IL17RA: variants seen among roughly 807,000 people sequenced by gnomAD.
IL17RA encodes interleukin-17 receptor A.
In IL17RA, 34 loss-of-function variants were observed where a neutral mutation model predicts 50.4. The observed-to-expected ratio is 0.67, with a 90% confidence interval of 0.51 to 0.90. IL17RA has a LOEUF of 0.90. Ranked by LOEUF, IL17RA falls within the 40% of genes least tolerant of loss-of-function variation. The pLI, the probability that IL17RA is intolerant of heterozygous loss-of-function variation, is 0.00. For synonymous variants in IL17RA, 585 were observed against 510.4 expected (o/e 1.15, Z -1.97); for missense variants, 1,276 against 1,169.8 (o/e 1.09, Z -1.32).
At chr22:17,086,964 TG>T (rs1182602381) in intron 1 of IL17RA, among the ~76,000 whole-genome samples, 43 of 152,278 alleles carry the variant, frequency 2.8e-4, no homozygotes, top group African/African-American at 1.0e-3. Context: ...GTGAAGCAAC[TG>T]TAAGTCAGGA....
intron 7 of IL17RA, among the ~76,000 whole-genome samples, chr22:17,103,020 T>C (rs1241705420): frequency 6.6e-6 from 1 of 152,086 alleles, no homozygotes; most frequent in Non-Finnish European, 1.5e-5. Flanking sequence ...CACACGCCTG[T>C]AATCCCAGCA....
rs1454347192 is a variant in IL17RA at position 17,103,574 on chromosome 22, G to A, written c.843G>A (p.Val281=). 1.2e-6 allele frequency: 2 copies of A among 1,611,402 alleles called. No individual in the cohort carries two copies. The highest frequency in any genetic ancestry group is 2.7e-5 in the African/African-American group (2 of 74,918). The part of the protein sequence containing the change: ...RNLKGCCRHQ[V]QIQPFFSSCL... ...TTAAAGGGTGCTGTCGCCACCAAGTGCAGGTGGGTGAGTGTGGTGTGGACA... is the reference window on the plus strand; with the variant it reads ...TTAAAGGGTGCTGTCGCCACCAAGTACAGGTGGGTGAGTGTGGTGTGGACA... The change falls in exon 8 of 13, where the codon GTG becomes GTA. Residue 281 remains valine (V), a synonymous_variant. Coordinates refer to ENST00000319363, the MANE Select transcript of IL17RA (RefSeq NM_014339.7).
At position 17,107,736 on chromosome 22, in the gene IL17RA, G is replaced by A; in HGVS notation, c.1055G>A (p.Ser352Asn). The change falls in exon 12 of 13, where the codon AGT (serine) becomes AAT (asparagine). Residue 352 changes from serine (S) to asparagine (N), a missense_variant. By Grantham distance (46) the Ser-to-Asn change is conservative. Coordinates refer to ENST00000319363, the MANE Select transcript of IL17RA (RefSeq NM_014339.7). ...CMTWRLAGPG[S>N]EKYSDDTKYT... The stretch of plus-strand genomic sequence containing the variant: ...TTCTTTTCCTTTCCAGGGCCTGGAA[G>A]TGAAAAATACAGTGATGACACCAAA... 3 of 1,613,722 alleles carry A rather than the reference G, an allele frequency of 1.9e-6. No homozygotes were observed. Among genetic ancestry groups the A allele is most frequent in the Non-Finnish European group, 2.5e-6 (3 of 1,179,544 alleles).
At chr22:17,103,947 A>G (rs1601345814) in intron 8 of IL17RA, among the ~76,000 whole-genome samples, 1 of 14,264 alleles carries the variant, frequency 7.0e-5, no homozygotes. Flanking sequence ...GCACAGGTGG[A>G]GAGTGTGGTG....
In IL17RA at chr22:17,112,948, T is replaced by G. The variant is rs991294798; in HGVS notation, c.*3128T>G. 7.3e-5 allele frequency: 11 copies of G among 151,474 alleles called. No individual in the cohort carries two copies. Among genetic ancestry groups the G allele is most frequent in the African/African-American group, 2.4e-4 (10 of 41,216 alleles). The allele number at this position is 151,474 out of a possible 1,614,324, so 9.4% of individuals were successfully genotyped here. On this transcript the variant is annotated 3_prime_UTR_variant, in exon 13 of 13. Transcript: ENST00000319363. Reference sequence around the variant, plus strand: ...CACCAACAAGCTCCCAACTCCCGCGTAGAGTTTCATGACTTTTTCCTGCCT... The same window carrying G: ...CACCAACAAGCTCCCAACTCCCGCGGAGAGTTTCATGACTTTTTCCTGCCT...
chr22:17,088,111 G>A (rs2061334641), intron 1 of IL17RA, among the ~76,000 whole-genome samples: 1 of 152,130 alleles, frequency 6.6e-6, no homozygotes, highest in Non-Finnish European at 1.5e-5. Context: ...TGAGAGGCTG[G>A]GTTATTGGCC....
chr22:17,091,883 T>C (rs879649393), intron 1 of IL17RA, among the ~76,000 whole-genome samples: 10 of 152,164 alleles, frequency 6.6e-5, no homozygotes, highest in Non-Finnish European at 1.3e-4. Flanking sequence ...CTGTGAAATA[T>C]GTATTTAGTC....
intron 6 of IL17RA, 27 bp downstream of exon 6, chr22:17,102,070 T>C (rs1323890698): frequency 1.2e-6 from 2 of 1,614,158 alleles, no homozygotes; most frequent in East Asian, 4.5e-5. Flanking sequence ...GAGAGCTTTA[T>C]TTGGATGCAT....
At chr22:17,091,421 A>C (rs1210531227) in intron 1 of IL17RA, among the ~76,000 whole-genome samples, 1 of 152,206 alleles carries the variant, frequency 6.6e-6, no homozygotes, top group East Asian at 1.9e-4. Context: ...TTACGCCTAT[A>C]ATCCCAGCAC....
chr22:17,109,764 C>T lies in IL17RA; in HGVS notation c.2545C>T (p.Gln849Ter). ...GCGGCAGCTGCTTTTCCGCCAGCTG[C>T]AGAAGAACTCGGGCTGGGACACGAT... ...LQRQLLFRQL[Q>*]KNSGWDTMGS... Residue 849 changes from glutamine to a stop codon, truncating the protein, a stop_gained, in exon 13 of 13, where the codon CAG (glutamine) becomes TAG (stop). Coordinates refer to ENST00000319363, the MANE Select transcript of IL17RA (RefSeq NM_014339.7). LOFTEE classifies it high-confidence loss of function. 4 of 1,554,104 alleles carry T rather than the reference C, an allele frequency of 2.6e-6. No homozygotes were observed. Among genetic ancestry groups the T allele is most frequent in the Non-Finnish European group, 3.5e-6 (4 of 1,149,130 alleles).
chr22:17,087,526 G>C (rs1252463310), intron 1 of IL17RA, among the ~76,000 whole-genome samples: 1 of 152,226 alleles, frequency 6.6e-6, no homozygotes, highest in African/African-American at 2.4e-5. Flanking sequence ...ATACATATGT[G>C]TTGACTGAAC....
Position 17,109,214 on chromosome 22 carries a change from C to G in IL17RA, c.1995C>G (p.Leu665=). 6.7e-7 allele frequency: 1 copy of G among 1,502,956 alleles called. No individual in the cohort carries two copies. Among genetic ancestry groups the G allele is most frequent in the Non-Finnish European group, 8.8e-7 (1 of 1,131,308 alleles). The allele number at this position is 1,502,956 out of a possible 1,614,324, so 93.1% of individuals were successfully genotyped here. The part of the protein sequence containing the change: ...QPRGQPAPQP[L]HTLVLAAEEG... The stretch of plus-strand genomic sequence containing the variant: ...GGGGTCAGCCAGCGCCGCAGCCCCT[C>G]CACACCCTGGTGCTCGCCGCAGAGG... The change falls in exon 13 of 13, where the codon CTC becomes CTG. Residue 665 remains leucine (L), a synonymous_variant. Transcript: ENST00000319363.
rs1317423922 is a variant in IL17RA, at chr22:17,112,862, T to C, written c.*3042T>C. 1 of 152,114 alleles carries C rather than the reference T, an allele frequency of 6.6e-6. No homozygotes were observed. Among genetic ancestry groups the C allele is most frequent in the Non-Finnish European group, 1.5e-5 (1 of 68,026 alleles). 9.4% of individuals were successfully genotyped at this position (152,114 alleles called of 1,614,324 possible). On this transcript the variant is annotated 3_prime_UTR_variant, in exon 13 of 13. Coordinates refer to ENST00000319363, the MANE Select transcript of IL17RA (RefSeq NM_014339.7). ...CCTGAGTGTGCAGAGGTGGTTCCGG[T>C]TGGGAAAGAAGCAGCGGAGCATCTA...
chr22:17,087,127 C>T (rs970755133), intron 1 of IL17RA, among the ~76,000 whole-genome samples: 1 of 152,214 alleles, frequency 6.6e-6, no homozygotes, highest in Admixed American at 6.5e-5. Context: ...CAGCTCTGGG[C>T]TCCATTGACT....
chr22:17,097,757 G>T (rs111613970), intron 2 of IL17RA, 40 bp from the exon 3 acceptor site: 2 of 1,612,982 alleles, frequency 1.2e-6, no homozygotes, highest in African/African-American at 2.7e-5. Flanking sequence ...TCAGGGTCTC[G>T]GCTATAAGTC....
intron 1 of IL17RA, among the ~76,000 whole-genome samples, chr22:17,089,541 A>C (rs927572731): frequency 6.6e-6 from 1 of 152,204 alleles, no homozygotes; most frequent in Non-Finnish European, 1.5e-5. Context: ...ACGTAATGCC[A>C]TTCACAAGCA....
rs745971564 is a variant in IL17RA, at chr22:17,109,349, C to T, written c.2130C>T (p.Gly710=). The T allele has an allele frequency of 1.9e-6, 3 of 1,592,888 alleles. No individual in the cohort carries two copies. The highest frequency in any genetic ancestry group is 2.7e-5 in the African/African-American group (2 of 74,602). ...GEACPLLGSP[G]AGRNSVLFLP... ...CCTGCCCGCTGCTGGGCAGCCCGGG[C>T]GCTGGGCGAAATAGCGTCCTCTTCC... The change falls in exon 13 of 13, where the codon GGC becomes GGT. Residue 710 remains glycine (G), a synonymous_variant. Coordinates refer to ENST00000319363, the MANE Select transcript of IL17RA (RefSeq NM_014339.7).
chr22:17,085,984 C>T (rs41444145), intron 1 of IL17RA, among the ~76,000 whole-genome samples: 5,771 of 152,240 alleles, frequency 0.038, 380 homozygotes, highest in African/African-American at 0.13. Flanking sequence ...CTCCCACCCC[C>T]GACTACCACC....
chr22:17,105,469 C>T lies in IL17RA; in HGVS notation c.932-122C>T, dbSNP rs2061410201. The stretch of plus-strand genomic sequence containing the variant: ...TGGTTTCATTAAGTTCAACCTGGAT[C>T]TAGAGTGCCTGGTGCAGGGCCAACA... On this transcript the variant is annotated intron_variant, in intron 9 of 12. Transcript: ENST00000319363. 6.3e-6 allele frequency: 6 copies of T among 949,044 alleles called. No homozygotes were observed. The South Asian group carries it at 7.8e-5, about 12-fold the overall frequency. The allele number at this position is 949,044 out of a possible 1,614,324, so 58.8% of individuals were successfully genotyped here.
Sources: gnomAD v4.1 joint callset for allele counts (sites outside exome capture counted in the v4.1 genomes callset) on GRCh38, gnomAD v4.1.1 for gene constraint, MANE v1.5 for transcripts, NCBI Gene and HGNC (gene_info 2026-07-23, HGNC 2026-07-21) for gene names.